The following COL21A1 variants were observed in gnomAD, a reference collection of about 807,000 sequenced individuals.
COL21A1 encodes collagen type XXI alpha 1 chain.
Under a neutral mutation model 137.9 loss-of-function variants are expected in COL21A1, and 149 were observed. The observed-to-expected ratio is 1.08, with a 90% confidence interval of 0.95 to 1.24. COL21A1 has a LOEUF of 1.24. COL21A1 is among the 50% of genes most tolerant of loss of function. The pLI is 0.00. For synonymous variants in COL21A1, 456 were observed against 391.5 expected, an observed-to-expected ratio of 1.16 and a Z score of -1.95; for missense variants, 1,167 against 1,158.4, an observed-to-expected ratio of 1.01 and a Z score of -0.11.
At chr6:56,305,955 G>T (rs968050754) in intron 1 of COL21A1, among the ~76,000 whole-genome samples, 1 of 149,936 alleles carries the variant, frequency 6.7e-6, no homozygotes, top group African/African-American at 2.4e-5. Flanking sequence ...CTCAGCATTT[G>T]CTTGTCTGTA....
intron 6 of COL21A1, 41 bp from the exon 7 acceptor site, chr6:56,167,024 G>C: frequency 6.8e-7 from 1 of 1,470,742 alleles, no homozygotes; most frequent in Non-Finnish European, 9.4e-7. Flanking sequence ...TGAGGCACAA[G>C]CTAATTGTTT....
At chr6:56,191,402 TG>T (rs35641282) in intron 1 of COL21A1, among the ~76,000 whole-genome samples, 26 of 145,456 alleles carry the variant, frequency 1.8e-4, no homozygotes, top group African/African-American at 6.7e-4. Context: ...CTGACCAACA[TG>T]GTGAAACCCA....
Position 56,255,585 on chromosome 6 carries a change from A to G in COL21A1, c.-38-72929T>C, listed in dbSNP as rs528611604. 1.1e-4 allele frequency among the ~76,000 whole-genome samples: 17 copies of G among 152,298 alleles called. No individual in the cohort carries two copies. The South Asian group carries it at 2.5e-3, about 22-fold the overall frequency. ...CTGCCAACATTTTTCTGTGGCTACA[A>G]GCATACTTAGGAAGCCTTATGTAGC... On this transcript the variant is annotated intron_variant, in intron 1 of 28. Transcript: ENST00000370819.
At chr6:56,318,889 T>C (rs1458244019) in intron 1 of COL21A1, among the ~76,000 whole-genome samples, 1 of 151,318 alleles carries the variant, frequency 6.6e-6, no homozygotes, top group African/African-American at 2.4e-5. Flanking sequence ...CTGTACCTAT[T>C]GTCCAAAATT....
At chr6:56,142,588 A>G (rs1263298252) in intron 10 of COL21A1, among the ~76,000 whole-genome samples, 1 of 152,110 alleles carries the variant, frequency 6.6e-6, no homozygotes, top group Non-Finnish European at 1.5e-5. Flanking sequence ...CTCCTCAAAA[A>G]CTGGAACTTT....
At chr6:56,213,060 T>C (rs768275190) in intron 1 of COL21A1, among the ~76,000 whole-genome samples, 1 of 152,018 alleles carries the variant, frequency 6.6e-6, no homozygotes, top group East Asian at 1.9e-4. Flanking sequence ...TCTTTTCTAT[T>C]AAAAAGTAGA....
At chr6:56,157,594 CCCAG>C (rs1775856414) in intron 9 of COL21A1, among the ~76,000 whole-genome samples, 1 of 152,082 alleles carries the variant, frequency 6.6e-6, no homozygotes, top group Non-Finnish European at 1.5e-5. Flanking sequence ...AGCCACTGCA[CCCAG>C]CCTATAGACT....
intron 1 of COL21A1, among the ~76,000 whole-genome samples, chr6:56,190,613 C>G (rs1582601306): frequency 6.6e-6 from 1 of 152,240 alleles, no homozygotes; most frequent in East Asian, 1.9e-4. Flanking sequence ...ATCCTGATAC[C>G]AAAACCTGGC....
At chr6:56,384,152 T>G (rs2094013534) in intron 1 of COL21A1, among the ~76,000 whole-genome samples, 1 of 152,110 alleles carries the variant, frequency 6.6e-6, no homozygotes, top group Non-Finnish European at 1.5e-5. Flanking sequence ...ATGATTGGTG[T>G]CTCCCTAGTG....
chr6:56,126,168 T>C lies in COL21A1; in HGVS notation c.1543-19A>G, dbSNP rs1214037109. On this transcript the variant is annotated intron_variant, in intron 12 of 29. Coordinates refer to ENST00000244728, the MANE Select transcript of COL21A1 (RefSeq NM_030820.4). ...GATCACCCTGAAAATAAAACTGAAA[T>C]TAATTACAAAGAAAAACCATTCCAG... 1 of 1,521,468 alleles carries C rather than the reference T, an allele frequency of 6.6e-7. No homozygotes were observed. The highest frequency in any genetic ancestry group is 1.2e-5 in the South Asian group (1 of 82,288). 94.2% of individuals were successfully genotyped at this position (1,521,468 alleles called of 1,614,324 possible). A position where few individuals can be genotyped will look rare whatever the true frequency, so the allele number is the denominator to read the frequency against.
intron 1 of COL21A1, among the ~76,000 whole-genome samples, chr6:56,328,900 A>T (rs1765160652): frequency 6.6e-6 from 1 of 152,052 alleles, no homozygotes; most frequent in Non-Finnish European, 1.5e-5. Flanking sequence ...GCTGAATCTA[A>T]ATACTCCAGT....
intron 2 of COL21A1, among the ~76,000 whole-genome samples, chr6:56,182,198 T>C (rs1777949624): frequency 6.6e-6 from 1 of 152,182 alleles, no homozygotes. Context: ...ATGCATTATC[T>C]CATTCAGTCC....
intron 10 of COL21A1, among the ~76,000 whole-genome samples, chr6:56,156,236 A>C (rs1043537258): frequency 5.3e-5 from 8 of 152,192 alleles, no homozygotes; most frequent in Non-Finnish European, 1.0e-4. Context: ...TGCAATTTTG[A>C]AGTAAGATAA....
chr6:56,349,723 T>C (rs1179502502), intron 1 of COL21A1, among the ~76,000 whole-genome samples: 1 of 152,242 alleles, frequency 6.6e-6, no homozygotes, highest in Non-Finnish European at 1.5e-5. Context: ...TTCTTTTACA[T>C]TATTGCTTAT....
intron 1 of COL21A1, among the ~76,000 whole-genome samples, chr6:56,207,872 G>T (rs954445548): frequency 1.3e-5 from 2 of 152,170 alleles, no homozygotes; most frequent in Non-Finnish European, 2.9e-5. Flanking sequence ...ATGCAAGGCT[G>T]ATTCAACATA....
At chr6:56,321,954 T>C (rs1764879801) in intron 1 of COL21A1, among the ~76,000 whole-genome samples, 1 of 152,126 alleles carries the variant, frequency 6.6e-6, no homozygotes, top group Non-Finnish European at 1.5e-5. Flanking sequence ...CATCTTCTCT[T>C]ATTCTATGCA....
intron 1 of COL21A1, among the ~76,000 whole-genome samples, chr6:56,329,070 A>T (rs1474332214): frequency 6.6e-6 from 1 of 152,116 alleles, no homozygotes; most frequent in African/African-American, 2.4e-5. Context: ...TGGCTTTCTC[A>T]TTTCAGTTTT....
chr6:56,345,906 G>C (rs17225023), intron 1 of COL21A1, among the ~76,000 whole-genome samples: 24,914 of 152,166 alleles, frequency 0.16, 2,184 homozygotes, highest in Non-Finnish European at 0.18. Flanking sequence ...GGGCCAGACT[G>C]AGTCAACCCT....
intron 1 of COL21A1, among the ~76,000 whole-genome samples, chr6:56,246,979 G>A (rs1025906984): frequency 1.3e-5 from 2 of 152,168 alleles, no homozygotes; most frequent in Non-Finnish European, 2.9e-5. Flanking sequence ...AAGAACCTCT[G>A]GCCCACTCAA....
Sources: allele counts gnomAD v4.1 joint callset (sites outside exome capture counted in the v4.1 genomes callset), GRCh38; gene constraint gnomAD v4.1.1; transcripts MANE v1.5; gene names NCBI Gene and HGNC (gene_info 2026-07-23, HGNC 2026-07-21).